The following EIF4G3 variants were observed in gnomAD, a reference collection of about 807,000 sequenced individuals.
EIF4G3 encodes eukaryotic translation initiation factor 4 gamma 3.
EIF4G3 carries 34 observed loss-of-function variants against 186.4 expected under a neutral mutation model. The observed-to-expected ratio is 0.18, with a 90% confidence interval of 0.14 to 0.24. EIF4G3 has a LOEUF of 0.24. EIF4G3 is among the 10% of genes least tolerant of loss of function. EIF4G3 has a pLI of 1.00. For synonymous variants in EIF4G3, 673 were observed against 679.5 expected (o/e 0.99, Z 0.15); for missense variants, 1,536 against 1,948.5 (o/e 0.79, Z 3.99).
intron 2 of EIF4G3, among the ~76,000 whole-genome samples, chr1:21,122,532 G>A (rs981662542): frequency 3.9e-5 from 6 of 152,020 alleles, no homozygotes; most frequent in African/African-American, 7.2e-5. Context: ...AATTTAAACC[G>A]GATGCTTTTT....
At chr1:20,894,336 T>TAAA (rs2154555891) in intron 17 of EIF4G3, among the ~76,000 whole-genome samples, 1 of 152,340 alleles carries the variant, frequency 6.6e-6, no homozygotes, top group East Asian at 1.9e-4. Flanking sequence ...ATATAACACT[T>TAAA]GACTTCTGAG....
chr1:20,828,161 T>A lies in EIF4G3; in HGVS notation c.4188-463A>T, dbSNP rs1390330649. The stretch of plus-strand genomic sequence containing the variant: ...GATTCTCCTGCCTCAGCTTCCCAAG[T>A]AGCTGGGATTACAGGCACGTAACAC... On this transcript the variant is annotated intron_variant, in intron 31 of 36. Transcript: ENST00000602326. Among the ~76,000 whole-genome samples, 3 of 151,426 alleles carry A rather than the reference T, an allele frequency of 2.0e-5. No homozygotes were observed. In the South Asian group the frequency reaches 6.3e-4, roughly 32 times the overall value.
At chr1:20,898,094 C>T (rs1195946031) in intron 16 of EIF4G3, among the ~76,000 whole-genome samples, 1 of 151,926 alleles carries the variant, frequency 6.6e-6, no homozygotes, top group African/African-American at 2.4e-5. Context: ...CCTAAGTTGA[C>T]AAAAGCAATT....
intron 2 of EIF4G3, among the ~76,000 whole-genome samples, chr1:21,095,866 A>G (rs1198486911): frequency 1.3e-5 from 2 of 152,212 alleles, no homozygotes; most frequent in Non-Finnish European, 2.9e-5. Context: ...TTATTTCTAC[A>G]CAAGATAAAA....
chr1:21,120,543 T>C (rs2096907982), intron 2 of EIF4G3, among the ~76,000 whole-genome samples: 1 of 150,840 alleles, frequency 6.6e-6, no homozygotes, highest in African/African-American at 2.4e-5. Context: ...GGAGAATCAC[T>C]TGAACCCAGG....
chr1:21,001,790 T>C (rs1471016009), intron 5 of EIF4G3, among the ~76,000 whole-genome samples: 1 of 152,182 alleles, frequency 6.6e-6, no homozygotes, highest in Non-Finnish European at 1.5e-5. Flanking sequence ...CAGTCTATGC[T>C]CTCCTAGTTC....
intron 2 of EIF4G3, among the ~76,000 whole-genome samples, chr1:21,108,597 T>C (rs1189434911): frequency 6.6e-6 from 1 of 152,082 alleles, no homozygotes; most frequent in African/African-American, 2.4e-5. Flanking sequence ...AAGAAATTAA[T>C]GTTTTATCTT....
intron 4 of EIF4G3, among the ~76,000 whole-genome samples, chr1:21,022,755 AT>A (rs1296292483): frequency 1.3e-5 from 2 of 152,228 alleles, no homozygotes; most frequent in African/African-American, 4.8e-5. Flanking sequence ...AGCTAGGTCT[AT>A]TTGGAAAAAA....
intron 4 of EIF4G3, among the ~76,000 whole-genome samples, chr1:21,039,972 C>T (rs1161134604): frequency 1.3e-5 from 2 of 152,192 alleles, no homozygotes; most frequent in African/African-American, 4.8e-5. Flanking sequence ...CTGCTCACAC[C>T]TCAGCATGTA....
intron 2 of EIF4G3, among the ~76,000 whole-genome samples, chr1:21,113,138 C>T (rs2096755439): frequency 2.1e-5 from 2 of 94,652 alleles, no homozygotes; most frequent in Admixed American, 1.7e-4. Flanking sequence ...CTGATAGAGG[C>T]CCTATCTCAA....
chr1:20,864,638 G>A lies in EIF4G3; in HGVS notation c.2844C>T (p.Asn948=), dbSNP rs1233482371. ...TAAAGAGTTCTCCAATAAACTTGAT[G>A]TTGCCAATGGATCTCCGCCGGGCTT... ...KDKARRRSIG[N]IKFIGELFKL... Residue 948 remains asparagine (N), a synonymous_variant, in exon 22 of 37, where the codon AAC becomes AAT. Transcript: ENST00000602326. The A allele has an allele frequency of 1.2e-6, 2 of 1,614,070 alleles. No homozygotes were observed. Among genetic ancestry groups the A allele is most frequent in the Non-Finnish European group, 1.7e-6 (2 of 1,180,036 alleles).
At chr1:20,847,723 T>A in intron 29 of EIF4G3, 2 of 465,474 alleles carry the variant, frequency 4.3e-6, no homozygotes, top group East Asian at 1.4e-4. Flanking sequence ...TGAATCACAG[T>A]ACATCAGGTT....
intron 26 of EIF4G3, among the ~76,000 whole-genome samples, chr1:20,854,163 A>G (rs1261562002): frequency 6.6e-6 from 1 of 152,178 alleles, no homozygotes; most frequent in Non-Finnish European, 1.5e-5. Context: ...AGCTAGTAAG[A>G]TGTGTTTGTG....
chr1:20,922,886 T>C (rs984998656), intron 14 of EIF4G3, among the ~76,000 whole-genome samples: 1 of 152,246 alleles, frequency 6.6e-6, no homozygotes, highest in Non-Finnish European at 1.5e-5. Context: ...AATCTGTTAA[T>C]GAATAAATGA....
chr1:21,096,089 CCT>C (rs938031821), intron 2 of EIF4G3, among the ~76,000 whole-genome samples: 10 of 152,124 alleles, frequency 6.6e-5, no homozygotes, highest in African/African-American at 2.2e-4. Context: ...ACAAAGTAAG[CCT>C]CTCTCCTCAA....
intron 14 of EIF4G3, among the ~76,000 whole-genome samples, chr1:20,912,012 A>G (rs1197953473): frequency 6.6e-6 from 1 of 152,178 alleles, no homozygotes; most frequent in African/African-American, 2.4e-5. Context: ...AAATAAGGCC[A>G]GGTATGGTGG....
chr1:20,990,821 C>T (rs769288600), intron 7 of EIF4G3, among the ~76,000 whole-genome samples: 5 of 152,182 alleles, frequency 3.3e-5, no homozygotes, highest in Non-Finnish European at 5.9e-5. Flanking sequence ...CAGTTATTTG[C>T]TTGATTGTCG....
At position 21,094,322 on chromosome 1, in the gene EIF4G3, C is replaced by T. The variant is rs142551505; in HGVS notation, c.-271-5109G>A. 5.1e-3 allele frequency among the ~76,000 whole-genome samples: 777 copies of T among 151,970 alleles called. 4 individuals carry two copies. The highest frequency in any genetic ancestry group is 0.012 in the South Asian group (57 of 4,816). On this transcript the variant is annotated intron_variant, in intron 2 of 36. Transcript: ENST00000602326. ...TGCTATAAAGACACATGCACACATA[C>T]GTTTATTGCGGCACAATTCACAACA...
At chr1:20,899,005 C>T (rs1477168672) in intron 16 of EIF4G3, among the ~76,000 whole-genome samples, 3 of 152,208 alleles carry the variant, frequency 2.0e-5, no homozygotes, top group African/African-American at 7.2e-5. Context: ...GCTGGGATTA[C>T]AGGCGTGAGC....
Sources: gnomAD v4.1 joint callset for allele counts (sites outside exome capture counted in the v4.1 genomes callset) on GRCh38, gnomAD v4.1.1 for gene constraint, MANE v1.5 for transcripts, NCBI Gene and HGNC (gene_info 2026-07-23, HGNC 2026-07-21) for gene names.